Variants in MCF2L2 observed in about 807,000 individuals in gnomAD.
The protein encoded by MCF2L2 is MCF.2 cell line derived transforming sequence-like 2.
A neutral mutation model predicts 150.2 loss-of-function variants in MCF2L2; 102 were observed. The observed-to-expected ratio is 0.68, with a 90% CI of 0.58 to 0.80. The LOEUF (loss-of-function observed/expected upper bound fraction) is 0.80. MCF2L2 is among the 30% of genes least tolerant of loss of function. The pLI is 0.00. For synonymous variants in MCF2L2, 465 were observed against 491.3 expected (o/e 0.95, Z 0.71); for missense variants, 1,256 against 1,372.8 (o/e 0.91, Z 1.34).
intron 1 of MCF2L2, among the ~76,000 whole-genome samples, chr3:183,392,764 T>C (rs961540426): frequency 6.6e-6 from 1 of 152,178 alleles, no homozygotes; most frequent in Non-Finnish European, 1.5e-5. Context: ...GAATAGGGCA[T>C]GCTCTGTTCT....
intron 16 of MCF2L2, 31 bp from the exon 17 acceptor site, chr3:183,229,812 A>G (rs1391621300): frequency 2.1e-6 from 2 of 935,268 alleles, no homozygotes; most frequent in Admixed American, 2.2e-5. Flanking sequence ...TAGGTGTTAC[A>G]AACAGGAACA....
In MCF2L2 at chr3:183,276,914, T is replaced by A. The variant is rs761843820; in HGVS notation, c.1820A>T (p.Glu607Val). The change falls in exon 15 of 30, where the codon GAG becomes GTG. Residue 607 changes from glutamate (E) to valine (V), a missense_variant. Coordinates refer to ENST00000328913, the MANE Select transcript of MCF2L2 (RefSeq NM_015078.4). The stretch of plus-strand genomic sequence containing the variant: ...TCCGAGCCTGGCCTGCTGCTCCAGC[T>A]CAGGGTTCCCCCTTTCATGATGGCT... ...FESHHERGNP[E>V]LEQQARLGDL... is the part of the protein sequence containing the mutation. 6.2e-7 allele frequency: 1 copy of A among 1,611,350 alleles called. No individual in the cohort carries two copies. The highest frequency in any genetic ancestry group is 1.1e-5 in the South Asian group (1 of 90,372).
In MCF2L2 at chr3:183,301,796, A is replaced by G. The variant is rs1171946773; in HGVS notation, c.1114-1600T>C. On this transcript the variant is annotated intron_variant, in intron 10 of 29. Coordinates refer to ENST00000328913, the MANE Select transcript of MCF2L2 (RefSeq NM_015078.4). ...GGTGAGAGCTAGGCTCTGTCTCCAAAAAAAAAAAAAAAAGAGAAAAGAAAG... is the reference window on the plus strand; with the variant it reads ...GGTGAGAGCTAGGCTCTGTCTCCAAGAAAAAAAAAAAAAGAGAAAAGAAAG... Among the ~76,000 whole-genome samples the G allele has an allele frequency of 2.0e-5, 3 of 148,736 alleles. No homozygotes were observed. In the East Asian group the frequency reaches 5.8e-4, roughly 29 times the overall value.
chr3:183,373,805 GA>G (rs1478200021), intron 3 of MCF2L2: 3 of 152,076 alleles, frequency 2.0e-5, no homozygotes, highest in African/African-American at 7.2e-5. Flanking sequence ...GCTTTGATTA[GA>G]AAAAGTTTTA....
intron 15 of MCF2L2, among the ~76,000 whole-genome samples, chr3:183,246,220 T>A (rs1025343881): frequency 2.0e-5 from 3 of 152,208 alleles, no homozygotes; most frequent in African/African-American, 7.2e-5. Context: ...TATTTAAACC[T>A]TTTTGAAGTG....
intron 7 of MCF2L2, among the ~76,000 whole-genome samples, chr3:183,312,867 C>G (rs907799977): frequency 6.6e-6 from 1 of 152,220 alleles, no homozygotes; most frequent in Admixed American, 6.5e-5. Flanking sequence ...TGATGATGGA[C>G]TTGGCTTCCC....
At chr3:183,388,612 C>T (rs1180268739) in intron 2 of MCF2L2, among the ~76,000 whole-genome samples, 3 of 152,146 alleles carry the variant, frequency 2.0e-5, no homozygotes, top group Non-Finnish European at 2.9e-5. Context: ...GCAATACAGA[C>T]AGAAAGAAGA....
chr3:183,424,490 T>C (rs1201298548), intron 1 of MCF2L2, among the ~76,000 whole-genome samples: 2 of 152,216 alleles, frequency 1.3e-5, no homozygotes, highest in African/African-American at 2.4e-5. Flanking sequence ...CATTCATCTA[T>C]TCAGCAAACA....
intron 3 of MCF2L2, among the ~76,000 whole-genome samples, chr3:183,356,355 A>T (rs1711782908): frequency 1.3e-5 from 2 of 152,172 alleles, no homozygotes; most frequent in South Asian, 4.2e-4. Flanking sequence ...TCTACTAAAA[A>T]TATAAAAATT....
chr3:183,289,536 C>A, intron 13 of MCF2L2, among the ~76,000 whole-genome samples: 1 of 152,102 alleles, frequency 6.6e-6, no homozygotes, highest in Non-Finnish European at 1.5e-5. Context: ...GATTTTCTGT[C>A]ATTCCCATTT....
In MCF2L2 at chr3:183,427,935, T is replaced by G. The variant is rs771398468; in HGVS notation, c.43A>C (p.Thr15Pro). The stretch of plus-strand genomic sequence containing the variant: ...GTGATCACTGTGGCCAGTCGCCGGG[T>G]GAGCTCCTGGGGAGGCATCTCTTCT... ...LKEEMPPQEL[T>P]RRLATVITHV... is the part of the protein sequence containing the mutation. Residue 15 changes from threonine (T) to proline (P), a missense_variant, in exon 1 of 30, where the codon ACC becomes CCC. Physicochemically the swap from Thr to Pro is conservative, Grantham distance 38. Coordinates refer to ENST00000328913, the MANE Select transcript of MCF2L2 (RefSeq NM_015078.4). 3 of 1,613,890 alleles carry G rather than the reference T, an allele frequency of 1.9e-6. No individual in the cohort carries two copies. In the Admixed American group the frequency reaches 5.0e-5, roughly 27 times the overall value.
intron 15 of MCF2L2, among the ~76,000 whole-genome samples, chr3:183,258,995 A>C (rs1295570431): frequency 6.6e-6 from 1 of 152,250 alleles, no homozygotes; most frequent in Non-Finnish European, 1.5e-5. Flanking sequence ...GACAAGAAAA[A>C]AATGTGCATG....
chr3:183,305,572 C>T lies in MCF2L2; in HGVS notation c.1113+4144G>A, dbSNP rs983732774. On this transcript the variant is annotated intron_variant, in intron 10 of 29. Coordinates refer to ENST00000328913, the MANE Select transcript of MCF2L2 (RefSeq NM_015078.4). The surrounding 1 kb of genome is among the most constrained non-coding windows in gnomAD (Gnocchi z 4.1). ...CGCCCATAAAGGCAACTGAGGAGGC[C>T]GGGCGCAGTGGGTCACGCCTGTAAT... Among the ~76,000 whole-genome samples, 1 of 152,142 alleles carries T rather than the reference C, an allele frequency of 6.6e-6. No individual in the cohort carries two copies. Among genetic ancestry groups the T allele is most frequent in the Non-Finnish European group, 1.5e-5 (1 of 68,016 alleles).
intron 15 of MCF2L2, among the ~76,000 whole-genome samples, chr3:183,257,384 C>T (rs530720530): frequency 2.6e-5 from 4 of 152,312 alleles, no homozygotes; most frequent in Admixed American, 2.6e-4. Flanking sequence ...AAGAGCTACA[C>T]CTGAAACATC....
At chr3:183,400,351 CT>C (rs34320996) in intron 1 of MCF2L2, 4 of 452,682 alleles carry the variant, frequency 8.8e-6, no homozygotes, top group Admixed American at 4.8e-5. Flanking sequence ...TCCACACTAC[CT>C]TTTTTTGCCA....
intron 7 of MCF2L2, among the ~76,000 whole-genome samples, chr3:183,312,552 A>G (rs886481479): frequency 6.6e-6 from 1 of 152,244 alleles, no homozygotes; most frequent in African/African-American, 2.4e-5. Context: ...CCTGGGTCAG[A>G]GGAGGCTGGT....
At chr3:183,218,403 A>AG (rs550400693) in intron 21 of MCF2L2, among the ~76,000 whole-genome samples, 244 of 152,176 alleles carry the variant, frequency 1.6e-3, no homozygotes, top group African/African-American at 5.6e-3. Flanking sequence ...TGGGAGGCCG[A>AG]GGGGGGGAGT....
chr3:183,336,316 AG>A (rs1213610189), intron 5 of MCF2L2, among the ~76,000 whole-genome samples: 6 of 152,122 alleles, frequency 3.9e-5, no homozygotes, highest in Non-Finnish European at 8.8e-5. Context: ...ATCTGGACAA[AG>A]GGCATGTGAT....
intron 21 of MCF2L2, among the ~76,000 whole-genome samples, chr3:183,216,460 TTA>T (rs1393357594): frequency 1.4e-5 from 2 of 141,214 alleles, no homozygotes; most frequent in African/African-American, 5.2e-5. Context: ...TATTAAATAT[TTA>T]TATATTAATA....
Sources: gnomAD v4.1 joint callset for allele counts (sites outside exome capture counted in the v4.1 genomes callset) on GRCh38, gnomAD v4.1.1 for gene constraint, Gnocchi (gnomAD v3.1) non-coding constraint, MANE v1.5 for transcripts, NCBI Gene and HGNC (gene_info 2026-07-23, HGNC 2026-07-21) for gene names.